THSD4: variants seen among roughly 807,000 people sequenced by gnomAD.
THSD4 encodes thrombospondin type-1 domain-containing protein 4.
THSD4 carries 69 observed loss-of-function variants against 119.0 expected under a neutral mutation model. That is an observed-to-expected ratio of 0.58 (90% CI 0.48 to 0.71). THSD4 has a LOEUF of 0.71. THSD4 is among the 30% of genes least tolerant of loss of function. THSD4 has a pLI of 0.00. For missense variants in THSD4, 1,393 were observed against 1,391.1 expected, an observed-to-expected ratio of 1.00 and a Z score of -0.02; for synonymous variants, 524 against 540.4, an observed-to-expected ratio of 0.97 and a Z score of 0.42.
chr15:71,208,288 C>T (rs1567157715), intron 3 of THSD4, among the ~76,000 whole-genome samples: 1 of 152,168 alleles, frequency 6.6e-6, no homozygotes, highest in Non-Finnish European at 1.5e-5. Context: ...GCAAATGTCC[C>T]TGCCTAACAT....
intron 1 of THSD4, among the ~76,000 whole-genome samples, chr15:71,102,950 T>C (rs187212648): frequency 1.3e-5 from 2 of 152,342 alleles, no homozygotes; most frequent in African/African-American, 4.8e-5. Context: ...TTATGGAACA[T>C]GGTTATAATT....
intron 3 of THSD4, among the ~76,000 whole-genome samples, chr15:71,172,676 CCT>C (rs1325589530): frequency 3.1e-5 from 1 of 31,878 alleles, no homozygotes; most frequent in African/African-American, 9.1e-5. Context: ...TGAAAATAGA[CCT>C]ATACATATAT....
At chr15:71,306,025 G>A (rs1489919479) in intron 6 of THSD4, among the ~76,000 whole-genome samples, 3 of 152,034 alleles carry the variant, frequency 2.0e-5, no homozygotes, top group Non-Finnish European at 2.9e-5. Context: ...GATGAGAGAC[G>A]GGCCAGGCGC....
intron 8 of THSD4, among the ~76,000 whole-genome samples, chr15:71,721,819 C>G (rs1009394073): frequency 4.0e-5 from 6 of 151,654 alleles, no homozygotes; most frequent in African/African-American, 1.2e-4. Flanking sequence ...AGCACCAAGA[C>G]TGGAATAAGG....
At chr15:71,257,895 GAGCT>G (rs2044338830) in intron 6 of THSD4, among the ~76,000 whole-genome samples, 1 of 152,054 alleles carries the variant, frequency 6.6e-6, no homozygotes, top group South Asian at 2.1e-4. Flanking sequence ...AGGAAACATA[GAGCT>G]AGCTGAGTGC....
chr15:71,590,079 A>G (rs73443892), intron 7 of THSD4, among the ~76,000 whole-genome samples: 5,099 of 139,584 alleles, frequency 0.037, 768 homozygotes, highest in African/African-American at 0.12. Context: ...GCCAAATTGA[A>G]GATAGTGGTT....
intron 7 of THSD4, among the ~76,000 whole-genome samples, chr15:71,439,951 A>G (rs1253597494): frequency 1.3e-5 from 2 of 152,206 alleles, no homozygotes; most frequent in Admixed American, 6.5e-5. Flanking sequence ...CCACCATGGC[A>G]TGTGTATACC....
rs1414756359 is a variant in THSD4, at chr15:71,471,958, A to T, written c.1152+60135A>T. Among the ~76,000 whole-genome samples the T allele has an allele frequency of 3.3e-5, 5 of 152,156 alleles. No individual in the cohort carries two copies. The South Asian group carries it at 1.0e-3, about 32-fold the overall frequency. ...GAGAGAGGATCTTGCTCTGTCACCC[A>T]GGCTACAGTGCAGTGGCACAATCAT... On this transcript the variant is annotated intron_variant, in intron 7 of 17. Transcript: ENST00000261862.
At chr15:71,714,436 A>T (rs1225281716) in intron 8 of THSD4, among the ~76,000 whole-genome samples, 1 of 152,214 alleles carries the variant, frequency 6.6e-6, no homozygotes, top group South Asian at 2.1e-4. Context: ...GGATAGGTTA[A>T]TGGATAAGCT....
At chr15:71,447,124 T>G (rs2047195802) in intron 7 of THSD4, among the ~76,000 whole-genome samples, 1 of 138,156 alleles carries the variant, frequency 7.2e-6, no homozygotes, top group African/African-American at 2.7e-5. Context: ...TTTTGTTTTT[T>G]TTTTTTTTTT....
intron 8 of THSD4, among the ~76,000 whole-genome samples, chr15:71,725,430 A>G (rs903477495): frequency 2.0e-5 from 3 of 152,216 alleles, no homozygotes; most frequent in African/African-American, 7.2e-5. Context: ...GAAATTGCTC[A>G]TGAAAGGAAT....
chr15:71,689,098 C>T (rs1453181455), intron 8 of THSD4, among the ~76,000 whole-genome samples: 1 of 152,190 alleles, frequency 6.6e-6, no homozygotes, highest in East Asian at 1.9e-4. Context: ...TTTACTTCCT[C>T]CTCAATGAGA....
At chr15:71,445,408 G>C (rs746346735) in intron 7 of THSD4, among the ~76,000 whole-genome samples, 1 of 152,158 alleles carries the variant, frequency 6.6e-6, no homozygotes, top group South Asian at 2.1e-4. Context: ...AAAGATGTTT[G>C]TTCAAATGAA....
At chr15:71,721,051 A>G (rs2052712040) in intron 8 of THSD4, among the ~76,000 whole-genome samples, 1 of 152,230 alleles carries the variant, frequency 6.6e-6, no homozygotes, top group Non-Finnish European at 1.5e-5. Flanking sequence ...TGGTTGGGTC[A>G]TCATCACAAT....
rs187134640 is a variant in THSD4, at chr15:71,670,987, A to G, written c.1357+10253A>G. Among the ~76,000 whole-genome samples, 400 of 152,334 alleles carry G rather than the reference A, an allele frequency of 2.6e-3. 4 individuals are homozygous for G. Among genetic ancestry groups the G allele is most frequent in the East Asian group, 7.9e-3 (41 of 5,190 alleles). ...CGTGTGCATGTGTCTTTATAGCAGC[A>G]TGATTTATAATCTTTTGGGTATATA... On this transcript the variant is annotated intron_variant, in intron 8 of 17. Transcript: ENST00000261862.
In THSD4 at chr15:71,644,477, G is replaced by T. The variant is rs144271991; in HGVS notation, c.1153-16053G>T. ...TTCTAATCTTCACCAGCAAGAATTT[G>T]TGGTTTTTCCTAATACAAACTGGTA... On this transcript the variant is annotated intron_variant, in intron 7 of 17. Transcript: ENST00000261862. 6.4e-3 allele frequency among the ~76,000 whole-genome samples: 979 copies of T among 152,184 alleles called. 11 individuals are homozygous for T. Among genetic ancestry groups the T allele is most frequent in the African/African-American group, 0.022 (929 of 41,532 alleles).
chr15:71,663,653 A>G (rs1696128666), intron 8 of THSD4, among the ~76,000 whole-genome samples: 2 of 152,248 alleles, frequency 1.3e-5, no homozygotes, highest in Admixed American at 1.3e-4. Flanking sequence ...AAGTAAATAT[A>G]CATGAGATTG....
At chr15:71,489,894 A>T (rs187397575) in intron 7 of THSD4, among the ~76,000 whole-genome samples, 3 of 152,312 alleles carry the variant, frequency 2.0e-5, no homozygotes, top group African/African-American at 7.2e-5. Context: ...GAGAAGTATT[A>T]AAAAAGAAAA....
chr15:71,744,268 A>G (rs1364815422), intron 11 of THSD4, among the ~76,000 whole-genome samples: 5 of 151,998 alleles, frequency 3.3e-5, no homozygotes, highest in Admixed American at 6.6e-5. Context: ...AAAAACCTAA[A>G]ACAGTTATAA....
Sources: allele counts gnomAD v4.1 joint callset (sites outside exome capture counted in the v4.1 genomes callset), GRCh38; gene constraint gnomAD v4.1.1; transcripts MANE v1.5; gene names NCBI Gene and HGNC (gene_info 2026-07-23, HGNC 2026-07-21).